Variants in MYT1L observed in about 807,000 individuals in gnomAD.
MYT1L encodes the protein myelin transcription factor 1-like protein.
Under a neutral mutation model 126.7 loss-of-function variants are expected in MYT1L, and 12 were observed. The observed-to-expected ratio is 0.09, with a 90% CI of 0.06 to 0.15. MYT1L has a LOEUF of 0.15. MYT1L is among the 10% of genes least tolerant of loss of function. The probability of loss-of-function intolerance (pLI) is 1.00; values close to 1 mark genes in which losing one functional copy is unlikely to be tolerated. For missense variants in MYT1L, 979 were observed against 1,585.2 expected (o/e 0.62, Z 6.49); for synonymous variants, 541 against 604.2 (o/e 0.90, Z 1.53).
At chr2:2,161,543 C>T (rs944979716) in intron 3 of MYT1L, among the ~76,000 whole-genome samples, 6 of 152,158 alleles carry the variant, frequency 3.9e-5, no homozygotes, top group African/African-American at 1.4e-4. Context: ...TTGAATCCTT[C>T]TATTGTAAAA....
intron 18 of MYT1L, among the ~76,000 whole-genome samples, chr2:1,867,963 C>T (rs1313311515): frequency 1.3e-5 from 2 of 150,110 alleles, no homozygotes; most frequent in African/African-American, 2.5e-5. Flanking sequence ...AACTTTGGCT[C>T]TATGCTTTTC....
chr2:2,298,369 C>T (rs1221858609), intron 1 of MYT1L, among the ~76,000 whole-genome samples: 1 of 152,190 alleles, frequency 6.6e-6, no homozygotes, highest in Non-Finnish European at 1.5e-5. Flanking sequence ...TTCGATGAAG[C>T]TTAAAGTCTG....
intron 18 of MYT1L, among the ~76,000 whole-genome samples, chr2:1,879,403 T>G (rs1465143538): frequency 2.0e-5 from 3 of 152,178 alleles, no homozygotes; most frequent in Non-Finnish European, 4.4e-5. Flanking sequence ...CTTCTCATCC[T>G]TCTTGCTGCC....
intron 1 of MYT1L, among the ~76,000 whole-genome samples, chr2:2,284,738 G>C (rs1311290068): frequency 6.6e-6 from 1 of 151,818 alleles, no homozygotes; most frequent in Non-Finnish European, 1.5e-5. Flanking sequence ...ACAGAGTCTT[G>C]CTCTGTCACC....
At chr2:2,326,343 C>G (rs754442642) in intron 1 of MYT1L, 7 of 152,326 alleles carry the variant, frequency 4.6e-5, no homozygotes, top group Non-Finnish European at 8.8e-5. Context: ...CAGGAACACC[C>G]TCTTCCAGCT....
At chr2:1,834,529 C>T (rs923511728) in intron 21 of MYT1L, among the ~76,000 whole-genome samples, 5 of 152,208 alleles carry the variant, frequency 3.3e-5, no homozygotes, top group African/African-American at 1.2e-4. Flanking sequence ...AGCTTGGATA[C>T]GTGCTACAAC....
At position 1,910,015 on chromosome 2, in the gene MYT1L, A is replaced by C. The variant is rs973489693; in HGVS notation, c.1817+225T>G. On this transcript the variant is annotated intron_variant, in intron 13 of 24. Transcript: ENST00000647738. The surrounding 1 kb of genome is among the most constrained non-coding windows in gnomAD (Gnocchi z 4.8). The stretch of plus-strand genomic sequence containing the variant: ...TGATTTCCTCCAATTCTCTCATGTA[A>C]ATTGTCACAGCGAATCCGCAGACAC... 2.6e-5 allele frequency among the ~76,000 whole-genome samples: 4 copies of C among 152,182 alleles called. No individual in the cohort carries two copies. The highest frequency in any genetic ancestry group is 7.2e-5 in the African/African-American group (3 of 41,448).
At chr2:2,328,677 G>T (rs2096266616) in intron 1 of MYT1L, among the ~76,000 whole-genome samples, 1 of 152,150 alleles carries the variant, frequency 6.6e-6, no homozygotes, top group Admixed American at 6.5e-5. Flanking sequence ...TCTTTTCAAA[G>T]ATGAATTTTA....
At chr2:1,941,667 A>G (rs1558477768) in intron 9 of MYT1L, among the ~76,000 whole-genome samples, 3 of 151,866 alleles carry the variant, frequency 2.0e-5, no homozygotes, top group African/African-American at 4.8e-5. Flanking sequence ...TATGTAATGC[A>G]TGTGTGTGTG....
chr2:2,005,770 G>A (rs576093562), intron 4 of MYT1L, among the ~76,000 whole-genome samples: 1 of 142,436 alleles, frequency 7.0e-6, no homozygotes, highest in African/African-American at 2.7e-5. Context: ...TTTCCTGCGT[G>A]CCTTCTTTCC....
intron 8 of MYT1L, among the ~76,000 whole-genome samples, chr2:1,952,287 G>T (rs1293007610): frequency 6.6e-6 from 1 of 151,350 alleles, no homozygotes; most frequent in African/African-American, 2.4e-5. Context: ...AATATTTATT[G>T]TCTTGAATAG....
intron 3 of MYT1L, among the ~76,000 whole-genome samples, chr2:2,103,341 G>A (rs549085684): frequency 2.6e-5 from 4 of 152,324 alleles, no homozygotes; most frequent in African/African-American, 7.2e-5. Flanking sequence ...TGCTTGTCCT[G>A]AGAGCTGTGC....
At chr2:2,265,161 G>A (rs778153410) in intron 2 of MYT1L, among the ~76,000 whole-genome samples, 2 of 151,774 alleles carry the variant, frequency 1.3e-5, no homozygotes, top group Non-Finnish European at 2.9e-5. Flanking sequence ...CCAAGTAGCT[G>A]GGATTACAGG....
chr2:2,129,855 G>C (rs1038526895), intron 3 of MYT1L, among the ~76,000 whole-genome samples: 1 of 149,936 alleles, frequency 6.7e-6, no homozygotes, highest in South Asian at 2.1e-4. Flanking sequence ...GCAGTGAGCC[G>C]AGATTGGGCC....
chr2:2,045,222 A>G (rs905473917), intron 4 of MYT1L, among the ~76,000 whole-genome samples: 2 of 152,226 alleles, frequency 1.3e-5, no homozygotes, highest in African/African-American at 4.8e-5. Context: ...TATGCATGTA[A>G]ATCTCCCATG....
chr2:2,018,575 G>A (rs1045102305), intron 4 of MYT1L, among the ~76,000 whole-genome samples: 3 of 152,202 alleles, frequency 2.0e-5, no homozygotes, highest in Non-Finnish European at 1.5e-5. Flanking sequence ...GCCGCTCATC[G>A]GATTCAGCCT....
chr2:2,156,694 A>G (rs925629488), intron 3 of MYT1L, among the ~76,000 whole-genome samples: 1 of 152,192 alleles, frequency 6.6e-6, no homozygotes. Context: ...GGAAGGAGGT[A>G]GCACTCTCTG....
chr2:2,074,496 T>C (rs1357951844), intron 3 of MYT1L, among the ~76,000 whole-genome samples: 7 of 152,104 alleles, frequency 4.6e-5, no homozygotes, highest in Admixed American at 4.6e-4. Flanking sequence ...GAAAAAGATA[T>C]CAATTTACAG....
intron 4 of MYT1L, among the ~76,000 whole-genome samples, chr2:2,031,526 A>C (rs1204804053): frequency 7.6e-4 from 77 of 100,838 alleles, no homozygotes; most frequent in East Asian, 1.2e-3. Flanking sequence ...CACCCCTCCC[A>C]AGTGCCTCTC....
Sources: gnomAD v4.1 joint callset for allele counts (sites outside exome capture counted in the v4.1 genomes callset) on GRCh38, gnomAD v4.1.1 for gene constraint, Gnocchi (gnomAD v3.1) non-coding constraint, MANE v1.5 for transcripts, NCBI Gene and HGNC (gene_info 2026-07-23, HGNC 2026-07-21) for gene names.